The following MBP variants were observed in gnomAD, a reference collection of about 807,000 sequenced individuals.
The protein encoded by MBP is myelin basic protein.
MBP carries 16 observed loss-of-function variants against 35.8 expected under a neutral mutation model. The observed-to-expected ratio is 0.45, with a 90% CI of 0.30 to 0.68. The LOEUF is 0.68. Among genes scored for constraint, MBP ranks in the 30% least tolerant of loss-of-function variants. MBP has a pLI of 0.08. For missense variants in MBP, 380 were observed against 404.7 expected (o/e 0.94, Z 0.52); for synonymous variants, 143 against 159.6 (o/e 0.90, Z 0.78).
chr18:77,055,792 C>T (rs1389267490), intron 3 of MBP, among the ~76,000 whole-genome samples: 1 of 152,210 alleles, frequency 6.6e-6, no homozygotes, highest in Non-Finnish European at 1.5e-5. Context: ...AAAGTTCATT[C>T]ACACTGGAGA....
At chr18:77,041,782 G>T (rs1397974700) in intron 3 of MBP, among the ~76,000 whole-genome samples, 1 of 112,516 alleles carries the variant, frequency 8.9e-6, no homozygotes, top group African/African-American at 3.3e-5. Context: ...CTGTTGTGGG[G>T]TGGGGGGAGG....
At chr18:77,014,872 T>C (rs1473363337) in intron 4 of MBP, 1 of 984,902 alleles carries the variant, frequency 1.0e-6, no homozygotes. Flanking sequence ...TATTCAACAC[T>C]CCATAGTGAA....
At position 77,073,534 on chromosome 18, in the gene MBP, G is replaced by A. The variant is rs79193532; in HGVS notation, c.52-7149C>T. Among the ~76,000 whole-genome samples the A allele has an allele frequency of 1.9e-3, 287 of 152,348 alleles. 9 individuals carry two copies. In the East Asian group the frequency reaches 0.053, roughly 28 times the overall value. On this transcript the variant is annotated intron_variant, in intron 2 of 8. Transcript: ENST00000355994. ...GTGGGTTGAGTGGCAGGAGAGGAAT[G>A]CCCATCTAGGAAACCTGAATCCTTT...
intron 4 of MBP, among the ~76,000 whole-genome samples, chr18:76,998,920 G>C (rs1252599978): frequency 2.0e-5 from 3 of 152,080 alleles, no homozygotes; most frequent in Non-Finnish European, 2.9e-5. Context: ...CAGTGGTGCA[G>C]GAAATGTGAT....
At chr18:77,052,191 G>A (rs1973516863) in intron 3 of MBP, among the ~76,000 whole-genome samples, 1 of 152,170 alleles carries the variant, frequency 6.6e-6, no homozygotes, top group African/African-American at 2.4e-5. Flanking sequence ...ACACAACAGA[G>A]TCCCAAGTTC....
At chr18:77,013,469 TA>T (rs1971459021) in intron 4 of MBP, 1 of 985,164 alleles carries the variant, frequency 1.0e-6, no homozygotes, top group Non-Finnish European at 1.2e-6. Context: ...ACTGTAGAAC[TA>T]AAATATGTTT....
chr18:77,011,298 C>T (rs1396891609), intron 4 of MBP, among the ~76,000 whole-genome samples: 1 of 152,232 alleles, frequency 6.6e-6, no homozygotes, highest in Non-Finnish European at 1.5e-5. Flanking sequence ...TGAGACTTGG[C>T]TGTCCTCATA....
At chr18:77,094,265 A>C (rs1293796991) in intron 2 of MBP, among the ~76,000 whole-genome samples, 1 of 152,214 alleles carries the variant, frequency 6.6e-6, no homozygotes, top group East Asian at 1.9e-4. Flanking sequence ...TGAGCCACTG[A>C]GCCCAGCCTA....
At chr18:76,994,576 T>A (rs1970161753) in intron 4 of MBP, among the ~76,000 whole-genome samples, 1 of 152,208 alleles carries the variant, frequency 6.6e-6, no homozygotes, top group East Asian at 1.9e-4. Context: ...AAAAATGATA[T>A]ATTTTTGAAG....
chr18:77,016,393 C>G, intron 4 of MBP: 2 of 1,000,010 alleles, frequency 2.0e-6, no homozygotes, highest in Non-Finnish European at 2.4e-6. Flanking sequence ...CGCAGAGCAA[C>G]ATGAAGCTAG....
At chr18:77,060,252 G>A (rs1389182364) in intron 3 of MBP, among the ~76,000 whole-genome samples, 2 of 152,140 alleles carry the variant, frequency 1.3e-5, no homozygotes, top group Non-Finnish European at 2.9e-5. Flanking sequence ...ATAAATGAAT[G>A]GAGAAAGCAC....
intron 3 of MBP, among the ~76,000 whole-genome samples, chr18:77,063,398 G>C (rs1974064031): frequency 6.6e-6 from 1 of 152,138 alleles, no homozygotes; most frequent in South Asian, 2.1e-4. Flanking sequence ...GCCTCCCCTA[G>C]GGTGGATGAA....
chr18:77,050,201 T>C (rs1973432836), intron 3 of MBP, among the ~76,000 whole-genome samples: 1 of 152,220 alleles, frequency 6.6e-6, no homozygotes, highest in African/African-American at 2.4e-5. Flanking sequence ...ATCATTCTTG[T>C]TCTATGGAAA....
At chr18:77,070,681 T>C (rs1974402587) in intron 2 of MBP, among the ~76,000 whole-genome samples, 1 of 152,010 alleles carries the variant, frequency 6.6e-6, no homozygotes, top group South Asian at 2.1e-4. Context: ...TCCCTGGGGG[T>C]CAGTGTGGCC....
At chr18:77,118,747 ACACACACAC>A (rs1280739425) in intron 1 of MBP, among the ~76,000 whole-genome samples, 1 of 144,242 alleles carries the variant, frequency 6.9e-6, no homozygotes, top group Non-Finnish European at 1.5e-5. Context: ...CACAGACACC[ACACACACAC>A]CACACACACA....
intron 2 of MBP, among the ~76,000 whole-genome samples, chr18:77,067,279 C>T (rs1420869890): frequency 6.6e-6 from 1 of 152,186 alleles, no homozygotes; most frequent in African/African-American, 2.4e-5. Context: ...CATCTGGGCA[C>T]CTTCAGACAA....
chr18:77,068,222 G>A (rs537883535), intron 2 of MBP, among the ~76,000 whole-genome samples: 9 of 152,296 alleles, frequency 5.9e-5, no homozygotes, highest in South Asian at 2.1e-4. Context: ...TTGCCTTCAC[G>A]TTGTGAAATT....
chr18:77,041,514 A>G (rs1182824743), intron 3 of MBP, among the ~76,000 whole-genome samples: 1 of 152,140 alleles, frequency 6.6e-6, no homozygotes, highest in Non-Finnish European at 1.5e-5. Context: ...AATAGCAAAG[A>G]CTTGGAACCA....
At chr18:77,013,539 C>G in intron 4 of MBP, 1 of 985,410 alleles carries the variant, frequency 1.0e-6, no homozygotes, top group South Asian at 4.7e-5. Flanking sequence ...GATGAATTTA[C>G]AGGACTGATT....
Sources: gnomAD v4.1 joint callset for allele counts (sites outside exome capture counted in the v4.1 genomes callset) on GRCh38, gnomAD v4.1.1 for gene constraint, MANE v1.5 for transcripts, NCBI Gene and HGNC (gene_info 2026-07-23, HGNC 2026-07-21) for gene names.